Variants in THOC2 observed in about 807,000 individuals in gnomAD.
The protein encoded by THOC2 is THO complex subunit 2.
THOC2 carries 10 observed loss-of-function variants against 128.4 expected under a neutral mutation model. That is an observed-to-expected ratio of 0.08 (90% CI 0.05 to 0.13). THOC2 has a LOEUF of 0.13. Ranked by LOEUF, THOC2 falls within the 10% of genes least tolerant of loss-of-function variation. THOC2 has a pLI of 1.00. For missense variants in THOC2, 535 were observed against 1,155.7 expected (o/e 0.46, Z 7.79); for synonymous variants, 393 against 396.9 (o/e 0.99, Z 0.12).
rs1293009766 is a variant in THOC2, at chrX:123,706,939, T to C, written c.141A>G (p.Gln47=). Residue 47 remains glutamine, a synonymous_variant, in exon 3 of 39, where the codon CAA becomes CAG. Coordinates refer to ENST00000245838, the MANE Select transcript of THOC2 (RefSeq NM_001081550.2). The part of the protein sequence containing the change: ...HDSSTYRDFQ[Q]ALYELSYHVI... ...CATGATATGACAACTCATAGAGAGC[T>C]TGCTGGAAATCTGTTGAACATAAGA... 2 of 1,121,140 alleles carry C rather than the reference T, an allele frequency of 1.8e-6. No homozygotes were observed. The highest frequency in any genetic ancestry group is 1.8e-5 in the African/African-American group (1 of 54,618). The allele number at this position is 1,121,140 out of a possible 1,213,427, so 92.4% of individuals were successfully genotyped here.
chrX:123,665,125 C>T (rs12557170), intron 12 of THOC2, among the ~76,000 whole-genome samples: 22,171 of 110,835 alleles, frequency 0.2, 1,781 homozygotes, highest in East Asian at 0.42. Context: ...AACAATGTTT[C>T]GGTTGATGGA....
chrX:123,644,525 T>C, intron 15 of THOC2, 50 bp downstream of exon 15: 1 of 946,204 alleles, frequency 1.1e-6, no homozygotes, highest in Non-Finnish European at 1.4e-6. Flanking sequence ...AGAAAGTATA[T>C]TAGATTCAGA....
At chrX:123,708,383 G>GT (rs2051029406) in intron 2 of THOC2, among the ~76,000 whole-genome samples, 1 of 111,737 alleles carries the variant, frequency 8.9e-6, no homozygotes, top group South Asian at 3.7e-4. Flanking sequence ...AAAAATTTCT[G>GT]TATTTTGGTA....
At chrX:123,622,449 G>A (rs1245026769) in intron 30 of THOC2, among the ~76,000 whole-genome samples, 6 of 112,374 alleles carry the variant, frequency 5.3e-5, no homozygotes, top group Admixed American at 3.8e-4. Context: ...AGGATGTAAA[G>A]CGTATCAGCA....
At chrX:123,691,405 T>C (rs1041160514) in intron 7 of THOC2, among the ~76,000 whole-genome samples, 10 of 111,814 alleles carry the variant, frequency 8.9e-5, no homozygotes, top group Admixed American at 6.7e-4. Flanking sequence ...CACAATAAGA[T>C]GTGTCTAAGT....
intron 30 of THOC2, 95 bp downstream of exon 30, chrX:123,622,663 G>C (rs1196300936): frequency 1.7e-6 from 1 of 595,057 alleles, no homozygotes; most frequent in African/African-American, 2.3e-5. Flanking sequence ...GACCAGCCTG[G>C]GCAACATTGC....
intron 15 of THOC2, among the ~76,000 whole-genome samples, chrX:123,644,351 T>C (rs945908515): frequency 1.8e-5 from 2 of 111,709 alleles, no homozygotes; most frequent in Admixed American, 9.5e-5. Context: ...TTCCATTAGA[T>C]TTTTATCCAT....
chrX:123,705,544 T>TA lies in THOC2; in HGVS notation c.222+1313dup, dbSNP rs938482966. ...GGTAGCAACTGAATTTTTTTAACGT[T>TA]AAAAAAAAAGGAATTTGACTACTCC... On this transcript the variant is annotated intron_variant, in intron 3 of 38. Coordinates refer to ENST00000245838, the MANE Select transcript of THOC2 (RefSeq NM_001081550.2). Among the ~76,000 whole-genome samples the TA allele has an allele frequency of 6.8e-3, 743 of 108,828 alleles. 3 individuals are homozygous for TA. Among genetic ancestry groups the TA allele is most frequent in the Non-Finnish European group, 0.011 (554 of 52,090 alleles). 94.5% of individuals were successfully genotyped at this position (108,828 alleles called of 115,157 possible).
chrX:123,711,121 C>T (rs1312855962), intron 2 of THOC2, among the ~76,000 whole-genome samples: 7 of 104,610 alleles, frequency 6.7e-5, no homozygotes, highest in African/African-American at 1.0e-4. Flanking sequence ...CGGGTTCAAG[C>T]GATTCTCGTA....
At chrX:123,629,142 T>C (rs1416515143) in intron 22 of THOC2, among the ~76,000 whole-genome samples, 1 of 106,235 alleles carries the variant, frequency 9.4e-6, no homozygotes, top group Non-Finnish European at 1.9e-5. Flanking sequence ...AAAATATATA[T>C]ATTTTTTCTA....
chrX:123,655,887 C>A (rs1240934838), intron 12 of THOC2, among the ~76,000 whole-genome samples: 1 of 110,761 alleles, frequency 9.0e-6, no homozygotes, highest in Non-Finnish European at 1.9e-5. Context: ...CTCCCCCATT[C>A]CTAACACAAT....
chrX:123,637,631 G>A (rs1191995838), intron 18 of THOC2, among the ~76,000 whole-genome samples: 8 of 110,664 alleles, frequency 7.2e-5, no homozygotes, highest in African/African-American at 1.6e-4. Flanking sequence ...GTGGTGGCGC[G>A]TGCCTGTAAT....
At chrX:123,679,102 G>A (rs1273595237) in intron 8 of THOC2, among the ~76,000 whole-genome samples, 2 of 110,781 alleles carry the variant, frequency 1.8e-5, no homozygotes, top group African/African-American at 6.6e-5. Context: ...ATACAAATGC[G>A]TTCTCTCTCC....
intron 18 of THOC2, 97 bp downstream of exon 18, chrX:123,637,946 T>C (rs1225349193): frequency 8.5e-6 from 5 of 585,474 alleles, no homozygotes; most frequent in Non-Finnish European, 1.3e-5. Flanking sequence ...TCTTAACAAA[T>C]AGGCTTCTAA....
intron 2 of THOC2, among the ~76,000 whole-genome samples, chrX:123,711,400 GGAGCCT>G (rs1282904665): frequency 1.8e-5 from 2 of 109,801 alleles, no homozygotes; most frequent in East Asian, 5.8e-4. Flanking sequence ...CAACAATTTG[GGAGCCT>G]GAGGCGAAAG....
chrX:123,702,580 AT>A (rs2050748682), intron 4 of THOC2, among the ~76,000 whole-genome samples: 1 of 105,342 alleles, frequency 9.5e-6, no homozygotes, highest in Non-Finnish European at 1.9e-5. Flanking sequence ...ACACATATAT[AT>A]TATATATATC....
intron 12 of THOC2, among the ~76,000 whole-genome samples, chrX:123,646,521 G>T (rs2048133935): frequency 8.9e-6 from 1 of 111,979 alleles, no homozygotes; most frequent in African/African-American, 3.2e-5. Context: ...GGTGTTTTGT[G>T]TATGCATACG....
chrX:123,678,183 T>C (rs911546516), intron 8 of THOC2, among the ~76,000 whole-genome samples: 6 of 111,411 alleles, frequency 5.4e-5, no homozygotes, highest in African/African-American at 2.0e-4. Flanking sequence ...TCATCACAGA[T>C]TCGCTTGTAA....
chrX:123,722,782 A>G (rs776104070), intron 1 of THOC2, among the ~76,000 whole-genome samples: 5 of 111,660 alleles, frequency 4.5e-5, no homozygotes, highest in South Asian at 3.8e-4. Context: ...AAAGGGCTCA[A>G]ATACAGACTA....
Sources: gnomAD v4.1 joint callset for allele counts (sites outside exome capture counted in the v4.1 genomes callset) on GRCh38, gnomAD v4.1.1 for gene constraint, MANE v1.5 for transcripts, NCBI Gene and HGNC (gene_info 2026-07-23, HGNC 2026-07-21) for gene names.